The following BRCA2 variants were observed in gnomAD, a reference collection of about 807,000 sequenced individuals.
BRCA2 encodes the protein breast cancer type 2 susceptibility protein.
In BRCA2, 203 loss-of-function variants were observed where a neutral mutation model predicts 276.7. That is an observed-to-expected ratio of 0.73 (90% confidence interval 0.65 to 0.82). BRCA2 has a LOEUF of 0.82. Ranked by LOEUF, BRCA2 falls within the 40% of genes least tolerant of loss-of-function variation. The pLI is 0.00. For synonymous variants in BRCA2, 1,289 were observed against 1,338.4 expected (o/e 0.96, Z 0.81); for missense variants, 3,920 against 3,915.0 (o/e 1.00, Z -0.03).
chr13:32,355,048 A>G lies in BRCA2; in HGVS notation c.7195A>G (p.Thr2399Ala), dbSNP rs80358948. The change falls in exon 14 of 27, where the codon ACA becomes GCA. Residue 2399 changes from threonine to alanine, a missense_variant. Around this residue, in one of 2 missense-constraint regions of BRCA2, gnomAD observed 3,263 missense variants for 3,156.9 expected, o/e 1.03. Coordinates refer to ENST00000380152, the MANE Select transcript of BRCA2 (RefSeq NM_000059.4). Reference sequence around the variant, plus strand: ...TGAAAAAATGAGACACTTGATTACTACAGGCAGACCAACCAAAGTCTTTGT... The same window carrying G: ...TGAAAAAATGAGACACTTGATTACTGCAGGCAGACCAACCAAAGTCTTTGT... The part of the protein sequence containing the change: ...RNEKMRHLIT[T>A]GRPTKVFVPP... 2 of 1,614,112 alleles carry G rather than the reference A, an allele frequency of 1.2e-6. No individual in the cohort carries two copies. The highest frequency in any genetic ancestry group is 1.1e-5 in the South Asian group (1 of 91,088).
At chr13:32,370,164 T>C (rs183040873) in intron 18 of BRCA2, among the ~76,000 whole-genome samples, 94 of 152,354 alleles carry the variant, frequency 6.2e-4, no homozygotes, top group Admixed American at 2.6e-3. Flanking sequence ...TAGAAACATT[T>C]AAATAGCATT....
At chr13:32,315,258 C>G (rs982176782), upstream of BRCA2, 1 of 152,436 alleles carries the variant, frequency 6.6e-6, no homozygotes, top group Non-Finnish European at 1.5e-5. Context: ...ATAGGGGCGG[C>G]CCCTCCAAGC....
chr13:32,347,059 A>C (rs1408188084), intron 13 of BRCA2, among the ~76,000 whole-genome samples, 163 bp downstream of exon 13: 1 of 152,092 alleles, frequency 6.6e-6, no homozygotes, highest in African/African-American at 2.4e-5. Flanking sequence ...AGTGCTGTTC[A>C]TATCATTATT....
rs876660146 is a variant in BRCA2, at chr13:32,339,145, C to A, written c.4790C>A (p.Ser1597Tyr). 1 of 1,613,950 alleles carries A rather than the reference C, an allele frequency of 6.2e-7. No individual in the cohort carries two copies. Among genetic ancestry groups the A allele is most frequent in the East Asian group, 2.2e-5 (1 of 44,870 alleles). The change falls in exon 11 of 27, where the codon TCT becomes TAT. Residue 1597 changes from serine to tyrosine, a missense_variant. Transcript: ENST00000380152. ...CCAAAGTGTAAAGAAATGCAGAATT[C>A]TCTCAATAATGATAAAAACCTTGTT... ...AAPKCKEMQN[S>Y]LNNDKNLVSI...
chr13:32,397,959 C>A (rs2073047338), intron 26 of BRCA2, among the ~76,000 whole-genome samples: 2 of 152,080 alleles, frequency 1.3e-5, no homozygotes, highest in Non-Finnish European at 2.9e-5. Context: ...CTTTTCATGT[C>A]ATTTTATATG....
rs1052409683 is a variant in BRCA2, at chr13:32,331,002, C to T, written c.765C>T (p.Asn255=). The change falls in exon 9 of 27, where the codon AAC becomes AAT. Residue 255 remains asparagine (N), a synonymous_variant. Transcript: ENST00000380152. ...RFIASVTDSE[N]TNQREAASHG... ...TCGCTTCTGTGACAGACAGTGAAAA[C>T]ACAAATCAAAGAGAAGCTGCAAGTC... is the stretch of plus-strand genomic sequence containing the variant. The T allele has an allele frequency of 1.9e-6, 3 of 1,612,254 alleles. No homozygotes were observed. In the African/African-American group the frequency reaches 4.0e-5, roughly 22 times the overall value.
Position 32,333,045 on chromosome 13 carries a change from C to G in BRCA2, c.1567C>G (p.His523Asp), listed in dbSNP as rs2072416501. 6.2e-7 allele frequency: 1 copy of G among 1,607,954 alleles called. No homozygotes were observed. Among genetic ancestry groups the G allele is most frequent in the Non-Finnish European group, 8.5e-7 (1 of 1,178,588 alleles). The change falls in exon 10 of 27, where the codon CAT (histidine) becomes GAT (aspartate). Residue 523 changes from histidine to aspartate, a missense_variant. By Grantham distance (81) the His-to-Asp change is moderately conservative. Coordinates refer to ENST00000380152, the MANE Select transcript of BRCA2 (RefSeq NM_000059.4). ...KETFNASFSG[H>D]MTDPNFKKET... ...GACTTTCAATGCAAGTTTTTCAGGTCATATGACTGATCCAAACTTTAAAAA... is the reference window on the plus strand; with the variant it reads ...GACTTTCAATGCAAGTTTTTCAGGTGATATGACTGATCCAAACTTTAAAAA...
At position 32,338,868 on chromosome 13, in the gene BRCA2, A is replaced by G. The variant is rs80358682; in HGVS notation, c.4513A>G (p.Thr1505Ala). The stretch of plus-strand genomic sequence containing the variant: ...AGTTGGTACTGGAAATCAACTAGTG[A>G]CCTTCCAGGGACAACCCGAACGTGA... ...VPVGTGNQLV[T>A]FQGQPERDEK... The change falls in exon 11 of 27, where the codon ACC becomes GCC. Residue 1505 changes from threonine to alanine, a missense_variant. This residue lies in a region of BRCA2 where 3,263 missense variants were observed against 3,156.9 expected (regional missense o/e 1.03). Transcript: ENST00000380152. The G allele has an allele frequency of 3.7e-6, 6 of 1,613,922 alleles. No individual in the cohort carries two copies. The highest frequency in any genetic ancestry group is 5.1e-6 in the Non-Finnish European group (6 of 1,179,886).
chr13:32,370,793 A>C (rs1342282470), intron 19 of BRCA2, among the ~76,000 whole-genome samples, 163 bp from the exon 20 acceptor site: 1 of 152,098 alleles, frequency 6.6e-6, no homozygotes, highest in East Asian at 1.9e-4. Context: ...GGGTTTCATC[A>C]TGTTGGTCAG....
intron 18 of BRCA2, among the ~76,000 whole-genome samples, chr13:32,368,449 AC>A (rs930538591): frequency 2.0e-5 from 3 of 151,580 alleles, no homozygotes; most frequent in African/African-American, 7.3e-5. Context: ...TTTCATAGAT[AC>A]AGTATCTTCT....
At position 32,339,442 on chromosome 13, in the gene BRCA2, G is replaced by T. The variant is rs1135401904; in HGVS notation, c.5087G>T (p.Gly1696Val). Residue 1696 changes from glycine (G) to valine (V), a missense_variant, in exon 11 of 27, where the codon GGA becomes GTA. Gly to Val is a moderately radical substitution (Grantham distance 109). Coordinates refer to ENST00000380152, the MANE Select transcript of BRCA2 (RefSeq NM_000059.4). ...GAAGCAAAAAAATGGCTTAGAGAAG[G>T]AATATTTGATGGTCAACCAGAAAGA... ...LLEAKKWLRE[G>V]IFDGQPERIN... 1.3e-6 allele frequency: 2 copies of T among 1,588,946 alleles called. No homozygotes were observed. The highest frequency in any genetic ancestry group is 2.3e-5 in the South Asian group (2 of 86,224).
intron 3 of BRCA2, among the ~76,000 whole-genome samples, chr13:32,323,490 A>C (rs2072321937): frequency 6.6e-6 from 1 of 152,180 alleles, no homozygotes; most frequent in African/African-American, 2.4e-5. Context: ...TTCAAGAATT[A>C]GCTACTTTTT....
In BRCA2 at chr13:32,379,450, C is replaced by T. The variant is rs886040798; in HGVS notation, c.8888C>T (p.Ser2963Leu). 1.2e-6 allele frequency: 2 copies of T among 1,613,296 alleles called. No homozygotes were observed. The highest frequency in any genetic ancestry group is 2.2e-5 in the South Asian group (2 of 90,896). ...ESAEQKEQGL[S>L]RDVTTVWKLR... is the part of the protein sequence containing the mutation. ...GCTGAACAAAAGGAACAAGGTTTAT[C>T]AAGGGATGTCACAACCGTGTGGAAG... Residue 2963 changes from serine to leucine, a missense_variant, in exon 22 of 27, where the codon TCA (serine) becomes TTA (leucine). This residue lies in a region of BRCA2 where 657 missense variants were observed against 758.2 expected (regional missense o/e 0.87). Coordinates refer to ENST00000380152, the MANE Select transcript of BRCA2 (RefSeq NM_000059.4).
chr13:32,321,795 T>C (rs940871304), intron 3 of BRCA2, among the ~76,000 whole-genome samples: 13 of 152,250 alleles, frequency 8.5e-5, no homozygotes, highest in African/African-American at 2.9e-4. Flanking sequence ...AATTGTGCTG[T>C]TTCTGCCTCT....
chr13:32,346,788 A>AT (rs1398868599), intron 12 of BRCA2, 39 bp from the exon 13 acceptor site: 6 of 1,514,104 alleles, frequency 4.0e-6, no homozygotes, highest in Non-Finnish European at 5.4e-6. Context: ...ATTCTCTTAG[A>AT]TTTTAACTAA....
At chr13:32,372,075 C>T (rs2072838402) in intron 20 of BRCA2, among the ~76,000 whole-genome samples, 1 of 152,132 alleles carries the variant, frequency 6.6e-6, no homozygotes, top group Non-Finnish European at 1.5e-5. Context: ...ATGGCATTTG[C>T]AACATTGATT....
rs1555281784 is a variant in BRCA2 at position 32,332,711 on chromosome 13, A to G, written c.1233A>G (p.Ile411Met). The stretch of plus-strand genomic sequence containing the variant: ...TAAATGGAGCCCAGATGGAGAAAAT[A>G]CCCCTATTGCATATTTCTTCATGTG... ...SGLNGAQMEKIPLLHISSCDQ... is the reference protein window; with the variant it reads ...SGLNGAQMEKMPLLHISSCDQ... Residue 411 changes from isoleucine to methionine, a missense_variant, in exon 10 of 27, where the codon ATA becomes ATG. Coordinates refer to ENST00000380152, the MANE Select transcript of BRCA2 (RefSeq NM_000059.4). 1 of 1,613,650 alleles carries G rather than the reference A, an allele frequency of 6.2e-7. No individual in the cohort carries two copies. Among genetic ancestry groups the G allele is most frequent in the Non-Finnish European group, 8.5e-7 (1 of 1,179,778 alleles).
chr13:32,340,268 T>C lies in BRCA2; in HGVS notation c.5913T>C (p.Ser1971=), dbSNP rs751308094. ...GGAAGCTTCATAAGTCAGTCTCATC[T>C]GCAAATACTTGTGGGATTTTTAGCA... ...SIGKLHKSVS[S]ANTCGIFSTA... is the part of the protein sequence containing the mutation. Residue 1971 remains serine, a synonymous_variant, in exon 11 of 27, where the codon TCT becomes TCC. Coordinates refer to ENST00000380152, the MANE Select transcript of BRCA2 (RefSeq NM_000059.4). 1 of 1,614,036 alleles carries C rather than the reference T, an allele frequency of 6.2e-7. No homozygotes were observed.
At chr13:32,324,658 C>T (rs2072330518) in intron 3 of BRCA2, among the ~76,000 whole-genome samples, 1 of 152,058 alleles carries the variant, frequency 6.6e-6, no homozygotes, top group Non-Finnish European at 1.5e-5. Context: ...TTGTTTAAAG[C>T]GACAAGATGT....
Sources: gnomAD v4.1 joint callset for allele counts (sites outside exome capture counted in the v4.1 genomes callset) on GRCh38, gnomAD v4.1.1 for gene constraint, gnomAD v4.1.1 regional missense constraint, MANE v1.5 for transcripts, NCBI Gene and HGNC (gene_info 2026-07-23, HGNC 2026-07-21) for gene names.